PRLR: variants seen among roughly 807,000 people sequenced by gnomAD.
The protein encoded by PRLR is hPRL receptor.
Under a neutral mutation model 40.2 loss-of-function variants are expected in PRLR, and 13 were observed. The observed-to-expected ratio is 0.32, with a 90% CI of 0.21 to 0.51. The LOEUF is 0.51. Ranked by LOEUF, PRLR falls within the 20% of genes least tolerant of loss-of-function variation. PRLR has a pLI of 0.97. For missense variants in PRLR, 656 were observed against 747.3 expected, an observed-to-expected ratio of 0.88 and a Z score of 1.42; for synonymous variants, 269 against 278.7, an observed-to-expected ratio of 0.97 and a Z score of 0.35.
At chr5:35,214,203 G>A (rs1776232469) in intron 1 of PRLR, among the ~76,000 whole-genome samples, 1 of 152,144 alleles carries the variant, frequency 6.6e-6, no homozygotes, top group Non-Finnish European at 1.5e-5. Context: ...AGTATATTCT[G>A]CTAATCTCCT....
chr5:35,096,138 C>T (rs1363245058), intron 2 of PRLR, among the ~76,000 whole-genome samples: 1 of 152,228 alleles, frequency 6.6e-6, no homozygotes, highest in South Asian at 2.1e-4. Flanking sequence ...GAAGAACCAT[C>T]TCCTGGCTTC....
intron 1 of PRLR, among the ~76,000 whole-genome samples, chr5:35,141,787 C>T (rs1349264929): frequency 6.6e-6 from 1 of 152,126 alleles, no homozygotes; most frequent in African/African-American, 2.4e-5. Flanking sequence ...CTTTAGGGAG[C>T]CTTTCTGGAC....
intron 1 of PRLR, among the ~76,000 whole-genome samples, chr5:35,219,489 G>A (rs1447550119): frequency 1.3e-5 from 2 of 152,152 alleles, no homozygotes; most frequent in African/African-American, 2.4e-5. Context: ...CATACAGTCA[G>A]TGCCCACTAA....
At chr5:35,113,597 T>C (rs1772832203) in intron 2 of PRLR, among the ~76,000 whole-genome samples, 1 of 152,214 alleles carries the variant, frequency 6.6e-6, no homozygotes, top group South Asian at 2.1e-4. Flanking sequence ...TCAACAAATA[T>C]CAACTGAGCA....
intron 1 of PRLR, among the ~76,000 whole-genome samples, chr5:35,222,775 CTGAGAATTCTCATTTCACCTTCA>C (rs1462201280): frequency 1.3e-5 from 2 of 152,180 alleles, no homozygotes. Flanking sequence ...TTTCACCTCC[CTGAGAATTCTCATTTCACCTTCA>C]TCACCAGCTA....
intron 2 of PRLR, among the ~76,000 whole-genome samples, chr5:35,101,832 A>G (rs1388572155): frequency 1.3e-5 from 2 of 148,472 alleles, no homozygotes; most frequent in Non-Finnish European, 3.0e-5. Context: ...TATATTATAT[A>G]TATATATATT....
intron 1 of PRLR, among the ~76,000 whole-genome samples, chr5:35,122,859 G>T (rs1212546058): frequency 2.0e-5 from 3 of 152,198 alleles, no homozygotes; most frequent in African/African-American, 7.2e-5. Context: ...CAGGGTGGCT[G>T]AGAGTGGAGG....
At chr5:35,055,083 G>T (rs976723657), downstream of PRLR, among the ~76,000 whole-genome samples, 1 of 152,144 alleles carries the variant, frequency 6.6e-6, no homozygotes, top group Non-Finnish European at 1.5e-5. Flanking sequence ...AAGTATTTGT[G>T]AAATATTTTA....
At chr5:35,078,291 A>G (rs985754775) in intron 5 of PRLR, among the ~76,000 whole-genome samples, 1 of 152,164 alleles carries the variant, frequency 6.6e-6, no homozygotes, top group African/African-American at 2.4e-5. Context: ...GATCAACAAA[A>G]TTAATAGACC....
chr5:35,216,307 G>C (rs1489396657), intron 1 of PRLR, among the ~76,000 whole-genome samples: 1 of 91,114 alleles, frequency 1.1e-5, no homozygotes, highest in Non-Finnish European at 2.4e-5. Context: ...GGGCTGAATG[G>C]TTTATTGAGT....
chr5:35,187,868 A>G (rs1218947987), intron 1 of PRLR, among the ~76,000 whole-genome samples: 1 of 152,130 alleles, frequency 6.6e-6, no homozygotes, highest in Admixed American at 6.5e-5. Context: ...AGAGAGCCCC[A>G]TTGCCTTGGA....
At chr5:35,096,684 G>A (rs1035125721) in intron 2 of PRLR, among the ~76,000 whole-genome samples, 3 of 151,214 alleles carry the variant, frequency 2.0e-5, no homozygotes, top group Admixed American at 2.0e-4. Context: ...GCAGTGACAC[G>A]ATTTCAGCTC....
intron 1 of PRLR, among the ~76,000 whole-genome samples, chr5:35,225,965 A>C (rs1265990444): frequency 6.6e-6 from 1 of 152,232 alleles, no homozygotes; most frequent in Middle Eastern, 3.2e-3. Context: ...TACAGGCATG[A>C]GCCACCACAC....
intron 2 of PRLR, among the ~76,000 whole-genome samples, chr5:35,108,191 T>G (rs1772402066): frequency 2.0e-5 from 3 of 152,144 alleles, no homozygotes; most frequent in Non-Finnish European, 4.4e-5. Context: ...TGCTAAAAAC[T>G]CTCAATAAAC....
At chr5:35,093,650 T>C (rs941800784) in intron 2 of PRLR, among the ~76,000 whole-genome samples, 29 of 152,310 alleles carry the variant, frequency 1.9e-4, no homozygotes, top group Non-Finnish European at 3.7e-4. Context: ...AGTTCCTGGA[T>C]AATCAAGCAA....
At chr5:35,162,018 C>T (rs1354461001) in intron 1 of PRLR, among the ~76,000 whole-genome samples, 1 of 152,140 alleles carries the variant, frequency 6.6e-6, no homozygotes, top group Non-Finnish European at 1.5e-5. Flanking sequence ...GGATTTAGCA[C>T]TTAATCATAT....
At chr5:35,178,238 A>G (rs1406212391) in intron 1 of PRLR, among the ~76,000 whole-genome samples, 1 of 152,238 alleles carries the variant, frequency 6.6e-6, no homozygotes, top group Admixed American at 6.5e-5. Context: ...GGCCTTCAGG[A>G]AAGATGATTT....
chr5:35,225,779 T>A (rs1776531449), intron 1 of PRLR, among the ~76,000 whole-genome samples: 1 of 152,210 alleles, frequency 6.6e-6, no homozygotes, highest in Non-Finnish European at 1.5e-5. Context: ...CCTCCCGGGT[T>A]CAAGAGACTT....
chr5:35,094,877 G>C (rs1386428484), intron 2 of PRLR, among the ~76,000 whole-genome samples: 1 of 149,576 alleles, frequency 6.7e-6, no homozygotes, highest in Non-Finnish European at 1.5e-5. Context: ...GCCCAGGCTG[G>C]AGTGCAGTGG....
Sources: gnomAD v4.1 joint callset for allele counts (sites outside exome capture counted in the v4.1 genomes callset) on GRCh38, gnomAD v4.1.1 for gene constraint, MANE v1.5 for transcripts, NCBI Gene and HGNC (gene_info 2026-07-23, HGNC 2026-07-21) for gene names.